Variants in SERP2 observed in about 807,000 individuals in gnomAD.
SERP2 encodes the protein stress associated endoplasmic reticulum protein family member 2, also known as stress-associated endoplasmic reticulum protein 2.
In SERP2, 6 loss-of-function variants were observed where a neutral mutation model predicts 9.1. That is an observed-to-expected ratio of 0.66 (90% confidence interval 0.36 to 1.30). The LOEUF (loss-of-function observed/expected upper bound fraction) is 1.30. Ranked by LOEUF, SERP2 falls within the 50% of genes most tolerant of loss-of-function variation. The pLI is 0.03. For synonymous variants in SERP2, 37 were observed against 27.3 expected (o/e 1.35, Z -1.10); for missense variants, 58 against 81.9 (o/e 0.71, Z 1.13).
chr13:44,379,804 A>G (rs567642746), intron 2 of SERP2, 91 bp downstream of exon 2: 8 of 834,354 alleles, frequency 9.6e-6, no homozygotes, highest in Admixed American at 4.5e-5. Flanking sequence ...GATGAAAAAC[A>G]TACTGGTATG....
At chr13:44,394,552 T>C (rs1394312565) in intron 2 of SERP2, among the ~76,000 whole-genome samples, 1 of 152,230 alleles carries the variant, frequency 6.6e-6, no homozygotes, top group Admixed American at 6.5e-5. Context: ...AAGACACAGA[T>C]GGTTTCCTAT....
chr13:44,381,945 A>C (rs750371172), intron 2 of SERP2, among the ~76,000 whole-genome samples: 33 of 151,912 alleles, frequency 2.2e-4, no homozygotes, highest in Non-Finnish European at 2.4e-4. Context: ...TTTTTCATTA[A>C]ATTTGTAGAT....
chr13:44,389,702 A>T (rs933035542), intron 2 of SERP2, among the ~76,000 whole-genome samples: 1 of 152,230 alleles, frequency 6.6e-6, no homozygotes, highest in Non-Finnish European at 1.5e-5. Flanking sequence ...TAGATAAAGG[A>T]TAGGGTTTGT....
chr13:44,394,196 G>A (rs933457105), intron 2 of SERP2, among the ~76,000 whole-genome samples: 9 of 152,054 alleles, frequency 5.9e-5, no homozygotes, highest in African/African-American at 2.2e-4. Context: ...GGAGTGCAGT[G>A]GCGCAATCTC....
Position 44,374,061 on chromosome 13 carries a change from G to C in SERP2, c.36G>C (p.Glu12Asp), listed in dbSNP as rs1470315503. 6.3e-7 allele frequency: 1 copy of C among 1,587,586 alleles called. No individual in the cohort carries two copies. The highest frequency in any genetic ancestry group is 1.1e-5 in the South Asian group (1 of 89,176). Reference sequence around the variant, plus strand: ...AACAGCGGATCCGGATGGCTAACGAGAAGCACAGCAAAAACATCACCCAGA... The same window carrying C: ...AACAGCGGATCCGGATGGCTAACGACAAGCACAGCAAAAACATCACCCAGA... ...VAKQRIRMANEKHSKNITQRG... is the reference protein window; with the variant it reads ...VAKQRIRMANDKHSKNITQRG... Residue 12 changes from glutamate (E) to aspartate (D), a missense_variant, in exon 1 of 3, where the codon GAG (glutamate) becomes GAC (aspartate). Transcript: ENST00000379179.
chr13:44,383,588 G>C (rs1595051588), intron 2 of SERP2, among the ~76,000 whole-genome samples: 1 of 110,654 alleles, frequency 9.0e-6, no homozygotes, highest in Admixed American at 1.3e-4. Flanking sequence ...TCGTTCTATT[G>C]ACAGGCTGGA....
At chr13:44,379,752 A>C in intron 2 of SERP2, 39 bp downstream of exon 2, 2 of 1,419,228 alleles carry the variant, frequency 1.4e-6, no homozygotes, top group Non-Finnish European at 1.9e-6. Context: ...CATGTTCTCC[A>C]CTGGCCTTTG....
chr13:44,381,956 C>T (rs889824524), intron 2 of SERP2, among the ~76,000 whole-genome samples: 5 of 151,544 alleles, frequency 3.3e-5, no homozygotes, highest in Non-Finnish European at 5.9e-5. Flanking sequence ...ATTTGTAGAT[C>T]CTAGTTTAGT....
At chr13:44,376,545 C>T (rs1409207465) in intron 1 of SERP2, among the ~76,000 whole-genome samples, 2 of 152,044 alleles carry the variant, frequency 1.3e-5, no homozygotes, top group African/African-American at 2.4e-5. Flanking sequence ...GAGGCCAAGG[C>T]GGATGGATCA....
At chr13:44,379,751 C>T in intron 2 of SERP2, 38 bp downstream of exon 2, 1 of 1,418,998 alleles carries the variant, frequency 7.0e-7, no homozygotes. Context: ...CCATGTTCTC[C>T]ACTGGCCTTT....
intron 2 of SERP2, among the ~76,000 whole-genome samples, chr13:44,394,207 G>A (rs1418035926): frequency 9.9e-5 from 15 of 151,902 alleles, no homozygotes; most frequent in African/African-American, 1.9e-4. Flanking sequence ...GCGCAATCTC[G>A]GCTCACTGCA....
In SERP2 at chr13:44,397,696, A is replaced by C. The variant is rs969367632; in HGVS notation, c.*384A>C. On this transcript the variant is annotated 3_prime_UTR_variant, in exon 3 of 3. Coordinates refer to ENST00000379179, the MANE Select transcript of SERP2 (RefSeq NM_001010897.3). ...CATTGAGAATTGATTTTACAAATAA[A>C]TGTCTTCGTTCAACCTTATACCATG... 2 of 277,822 alleles carry C rather than the reference A, an allele frequency of 7.2e-6. No homozygotes were observed. The highest frequency in any genetic ancestry group is 4.5e-5 in the African/African-American group (2 of 44,648). 17.2% of individuals were successfully genotyped at this position (277,822 alleles called of 1,614,324 possible). A position where few individuals can be genotyped will look rare whatever the true frequency, so the allele number is the denominator to read the frequency against.
At chr13:44,386,824 G>A (rs1872345059) in intron 2 of SERP2, among the ~76,000 whole-genome samples, 1 of 152,218 alleles carries the variant, frequency 6.6e-6, no homozygotes, top group African/African-American at 2.4e-5. Flanking sequence ...TTTTGCTTGA[G>A]TCTGTTTAAC....
intron 1 of SERP2, 55 bp downstream of exon 1, chr13:44,374,164 C>CCGGGGGGGGGGGGGGGG: frequency 7.0e-6 from 2 of 285,220 alleles, no homozygotes; most frequent in Non-Finnish European, 1.1e-5. Context: ...CGGGGTGGGG[C>CCGGGGGGGGGGGGGGGG]GGAAGGTGGG....
intron 2 of SERP2, chr13:44,395,901 C>G (rs1388300995): frequency 2.2e-6 from 1 of 450,886 alleles, no homozygotes; most frequent in Middle Eastern, 3.3e-4. Context: ...AAAAAATGAT[C>G]AGAAGCAGAA....
intron 1 of SERP2, among the ~76,000 whole-genome samples, chr13:44,374,547 A>G (rs1871530944): frequency 1.3e-5 from 2 of 152,138 alleles, no homozygotes; most frequent in Admixed American, 6.5e-5. Flanking sequence ...CCTGGAACCT[A>G]GTATGTTCTA....
chr13:44,379,847 T>C, intron 2 of SERP2, 134 bp downstream of exon 2: 1 of 603,442 alleles, frequency 1.7e-6, no homozygotes, highest in Non-Finnish European at 3.0e-6. Flanking sequence ...TAAGCCTTAA[T>C]CTTAATGGGT....
At chr13:44,382,038 A>ATG in intron 2 of SERP2, among the ~76,000 whole-genome samples, 2 of 138,794 alleles carry the variant, frequency 1.4e-5, no homozygotes, top group East Asian at 4.4e-4. Flanking sequence ...ATGGATGGAT[A>ATG]AAGCCAGATA....
Position 44,387,132 on chromosome 13 carries a change from G to A in SERP2, c.157+7419G>A, listed in dbSNP as rs186138667. Among the ~76,000 whole-genome samples, 4 of 152,218 alleles carry A rather than the reference G, an allele frequency of 2.6e-5. No homozygotes were observed. The East Asian group carries it at 7.7e-4, about 29-fold the overall frequency. On this transcript the variant is annotated intron_variant, in intron 2 of 2. Coordinates refer to ENST00000379179, the MANE Select transcript of SERP2 (RefSeq NM_001010897.3). ...TTAGCTGGAATGTCTGTCTGAGACC[G>A]TTCCCCACAAAGATACTGTCACACA...
Sources: allele counts gnomAD v4.1 joint callset (sites outside exome capture counted in the v4.1 genomes callset), GRCh38; gene constraint gnomAD v4.1.1; transcripts MANE v1.5; gene names NCBI Gene and HGNC (gene_info 2026-07-23, HGNC 2026-07-21).